AGBL1: variants seen among roughly 807,000 people sequenced by gnomAD.
AGBL1 encodes the protein AGBL carboxypeptidase 1.
In AGBL1, 130 loss-of-function variants were observed where a neutral mutation model predicts 118.9. The ratio of observed to expected loss-of-function variants is 1.09; its 90% CI spans 0.95 to 1.26. AGBL1 has a LOEUF of 1.26. Among genes scored for constraint, AGBL1 ranks in the 50% most tolerant of loss-of-function variants. The pLI is 0.00. For synonymous variants in AGBL1, 555 were observed against 478.9 expected (o/e 1.16, Z -2.08); for missense variants, 1,584 against 1,298.1 (o/e 1.22, Z -3.38).
At chr15:86,917,502 T>C (rs1418885797), downstream of AGBL1, among the ~76,000 whole-genome samples, 3 of 152,190 alleles carry the variant, frequency 2.0e-5, no homozygotes, top group East Asian at 5.8e-4. The surrounding 1 kb of genome is among the most constrained non-coding windows in gnomAD (Gnocchi z 4.8). Context: ...CCGGCCACTG[T>C]ACAGTTACAT....
chr15:86,248,550 A>C (rs1427192786), intron 7 of AGBL1, among the ~76,000 whole-genome samples: 3 of 152,174 alleles, frequency 2.0e-5, no homozygotes, highest in Admixed American at 1.3e-4. Context: ...AAAAAAGCAG[A>C]AATAACAAAA....
chr15:86,389,676 T>A (rs1232279002), intron 17 of AGBL1, among the ~76,000 whole-genome samples: 2 of 152,144 alleles, frequency 1.3e-5, no homozygotes, highest in African/African-American at 2.4e-5. Flanking sequence ...TTTTAGGATA[T>A]GTAGTGGAAA....
Position 86,788,724 on chromosome 15 carries a change from G to A in AGBL1, c.3158+114288G>A, listed in dbSNP as rs112799611. Among the ~76,000 whole-genome samples, 469 of 152,270 alleles carry A rather than the reference G, an allele frequency of 3.1e-3. 3 individuals are homozygous for A. The highest frequency in any genetic ancestry group is 5.1e-3 in the Non-Finnish European group (349 of 68,022). On this transcript the variant is annotated intron_variant, in intron 22 of 22. Coordinates refer to ENST00000614907, the MANE Select transcript of AGBL1 (RefSeq NM_001386094.1). ...AATGTTGTGCTGAACAGTTTTATAA[G>A]GATAATGTCATGAAAAGTGTTGAGG... is the stretch of plus-strand genomic sequence containing the variant.
At chr15:86,918,345 A>G (rs975850929), downstream of AGBL1, among the ~76,000 whole-genome samples, 1 of 152,170 alleles carries the variant, frequency 6.6e-6, no homozygotes, top group Admixed American at 6.5e-5. Context: ...CTGAGCTTGC[A>G]TCCTCTTCCC....
At chr15:86,275,646 A>G (rs1039205892) in intron 15 of AGBL1, among the ~76,000 whole-genome samples, 3 of 152,218 alleles carry the variant, frequency 2.0e-5, no homozygotes, top group African/African-American at 7.2e-5. Context: ...ATGATTATAA[A>G]AGTGCAGATC....
rs1596606711 is a variant in AGBL1, at chr15:86,897,030, C to T, written c.3159-10057C>T. ...TAGACAGTGTCTTTCTTTTGCAAAA[C>T]AATTTGGCTTTTTAGAAAATTATTT... On this transcript the variant is annotated intron_variant, in intron 22 of 22. Coordinates refer to ENST00000614907, the MANE Select transcript of AGBL1 (RefSeq NM_001386094.1). Among the ~76,000 whole-genome samples the T allele has an allele frequency of 3.9e-5, 6 of 152,254 alleles. 1 individual carries two copies. Among genetic ancestry groups the T allele is most frequent in the Admixed American group, 3.9e-4 (6 of 15,294 alleles).
intron 17 of AGBL1, among the ~76,000 whole-genome samples, chr15:86,343,148 C>G (rs1282227856): frequency 6.6e-6 from 1 of 152,144 alleles, no homozygotes; most frequent in Non-Finnish European, 1.5e-5. Context: ...TTCTCTAGCC[C>G]TGGAGAGTGA....
chr15:86,575,222 G>A (rs1567065981), intron 21 of AGBL1, among the ~76,000 whole-genome samples: 1 of 151,944 alleles, frequency 6.6e-6, no homozygotes, highest in South Asian at 2.1e-4. Flanking sequence ...ACATGGGCTG[G>A]GTGTGGTGGT....
chr15:86,344,571 G>T (rs2080508108), intron 17 of AGBL1, among the ~76,000 whole-genome samples: 1 of 151,808 alleles, frequency 6.6e-6, no homozygotes, highest in Admixed American at 6.6e-5. Flanking sequence ...GGGCTCTGAG[G>T]TTGATGGTCC....
chr15:86,190,928 A>T (rs2077709191), intron 5 of AGBL1, among the ~76,000 whole-genome samples: 1 of 152,232 alleles, frequency 6.6e-6, no homozygotes, highest in African/African-American at 2.4e-5. Flanking sequence ...CAAATTTCCT[A>T]CAACTGCTTT....
intron 18 of AGBL1, among the ~76,000 whole-genome samples, chr15:86,471,194 C>A (rs751891006): frequency 2.0e-5 from 3 of 152,046 alleles, no homozygotes; most frequent in Non-Finnish European, 1.5e-5. Flanking sequence ...TTATATATGA[C>A]CTTTTTAATA....
intron 22 of AGBL1, among the ~76,000 whole-genome samples, chr15:86,830,740 T>G (rs2079094059): frequency 6.6e-6 from 1 of 152,208 alleles, no homozygotes; most frequent in South Asian, 2.1e-4. Context: ...TGGAAGGGTA[T>G]TAATTTGTCC....
intron 22 of AGBL1, 72 bp downstream of exon 22, chr15:86,674,508 A>T (rs868255155): frequency 1.4e-6 from 2 of 1,477,276 alleles, no homozygotes; most frequent in Non-Finnish European, 9.2e-7. Flanking sequence ...CAGTAATGAA[A>T]GTCGAGTGGA....
chr15:86,891,513 A>T (rs1247816054), intron 22 of AGBL1, among the ~76,000 whole-genome samples: 1 of 151,772 alleles, frequency 6.6e-6, no homozygotes, highest in Non-Finnish European at 1.5e-5. Flanking sequence ...ACACTGTCTC[A>T]TTTTAGCAAT....
Position 86,269,960 on chromosome 15 carries a change from C to G in AGBL1, c.1880C>G (p.Thr627Ser). 1 of 1,613,904 alleles carries G rather than the reference C, an allele frequency of 6.2e-7. No homozygotes were observed. Among genetic ancestry groups the G allele is most frequent in the Non-Finnish European group, 8.5e-7 (1 of 1,179,850 alleles). Residue 627 changes from threonine (T) to serine (S), a missense_variant, in exon 14 of 23, where the codon ACC becomes AGC. By Grantham distance (58) the Thr-to-Ser change is moderately conservative. Transcript: ENST00000614907. ...DLLVNADVNS[T>S]QHQQWFYFKV... ...CTGGTCAACGCAGATGTGAATAGCA[C>G]CCAGCACCAGCAGTGGTTCTATTTC...
intron 5 of AGBL1, among the ~76,000 whole-genome samples, chr15:86,223,617 C>T (rs977442447): frequency 1.3e-5 from 2 of 152,070 alleles, no homozygotes; most frequent in Admixed American, 1.3e-4. Flanking sequence ...TGAAGTAGTC[C>T]ATCCATGAAA....
intron 5 of AGBL1, among the ~76,000 whole-genome samples, chr15:86,185,787 A>G (rs1014659562): frequency 4.6e-5 from 7 of 152,084 alleles, no homozygotes; most frequent in Non-Finnish European, 8.8e-5. Context: ...GGATAGCATT[A>G]GGAGATATAC....
intron 22 of AGBL1, among the ~76,000 whole-genome samples, chr15:86,679,993 T>C (rs1384889278): frequency 2.0e-5 from 3 of 152,184 alleles, no homozygotes; most frequent in Non-Finnish European, 4.4e-5. Context: ...GCTTGGTTTC[T>C]ATTGTTCTAT....
intron 18 of AGBL1, among the ~76,000 whole-genome samples, chr15:86,488,151 G>T (rs1174065557): frequency 6.6e-6 from 1 of 152,030 alleles, no homozygotes; most frequent in African/African-American, 2.4e-5. Flanking sequence ...GCTGTAGCCT[G>T]CTAGAGCAAA....
Sources: gnomAD v4.1 joint callset for allele counts (sites outside exome capture counted in the v4.1 genomes callset) on GRCh38, gnomAD v4.1.1 for gene constraint, Gnocchi (gnomAD v3.1) non-coding constraint, MANE v1.5 for transcripts, NCBI Gene and HGNC (gene_info 2026-07-23, HGNC 2026-07-21) for gene names.